WDR81: variants seen among roughly 807,000 people sequenced by gnomAD.
The protein encoded by WDR81 is WD repeat-containing protein 81.
In WDR81, 92 loss-of-function variants were observed where a neutral mutation model predicts 140.8. The observed-to-expected ratio is 0.65, with a 90% CI of 0.55 to 0.78. The LOEUF (loss-of-function observed/expected upper bound fraction) is 0.78, where lower values mean the gene tolerates loss of function less well. Among genes scored for constraint, WDR81 ranks in the 30% least tolerant of loss-of-function variants. WDR81 has a pLI of 0.00. For synonymous variants in WDR81, 1,183 were observed against 1,156.4 expected (o/e 1.02, Z -0.47); for missense variants, 2,502 against 2,636.4 (o/e 0.95, Z 1.12).
chr17:1,728,406 C>T lies in WDR81; in HGVS notation c.3447C>T (p.Ser1149=), dbSNP rs143041290. 142 of 1,612,338 alleles carry T rather than the reference C, an allele frequency of 8.8e-5. No individual in the cohort carries two copies. The highest frequency in any genetic ancestry group is 1.1e-4 in the Non-Finnish European group (130 of 1,179,616). ...ACAGCAGCCAGGACTTGAAGCAAAG[C>T]GAGGGCTCCGAGGAGGAAGAGGAGG... ...SGDSSQDLKQ[S]EGSEEEEEEE... The change falls in exon 1 of 10, where the codon AGC becomes AGT. Residue 1149 remains serine (S), a synonymous_variant. Transcript: ENST00000409644.
Position 1,735,114 on chromosome 17 carries a change from G to T in WDR81, c.5180-458G>T, listed in dbSNP as rs962422832. ...GTTGGAGACCAGACTGGCTGACATGGTGAAACCCCATCTCTACTAAGAATA... is the reference window on the plus strand; with the variant it reads ...GTTGGAGACCAGACTGGCTGACATGTTGAAACCCCATCTCTACTAAGAATA... On this transcript the variant is annotated intron_variant, in intron 7 of 9. Coordinates refer to ENST00000409644, the MANE Select transcript of WDR81 (RefSeq NM_001163809.2). The surrounding 1 kb of genome is among the most constrained non-coding windows in gnomAD (Gnocchi z 4.2). 6.6e-6 allele frequency among the ~76,000 whole-genome samples: 1 copy of T among 151,872 alleles called. No homozygotes were observed. The highest frequency in any genetic ancestry group is 2.4e-5 in the African/African-American group (1 of 41,288).
Position 1,730,339 on chromosome 17 carries a change from CCT to C in WDR81, c.3668-40_3668-39del, listed in dbSNP as rs1407630039. The C allele has an allele frequency of 7.8e-6, 12 of 1,539,990 alleles. No homozygotes were observed. In the Admixed American group the frequency reaches 8.9e-5, roughly 11 times the overall value. On this transcript the variant is annotated intron_variant, in intron 1 of 9. Coordinates refer to ENST00000409644, the MANE Select transcript of WDR81 (RefSeq NM_001163809.2). Reference sequence around the variant, plus strand: ...GGTGGGGTGGGAGGGGTGATGAGCCCCTGTTATCTGAGGAGCTCAGGGCCTGC... The same window carrying C: ...GGTGGGGTGGGAGGGGTGATGAGCCCGTTATCTGAGGAGCTCAGGGCCTGC...
rs1904630157 is a variant in WDR81 at position 1,734,062 on chromosome 17, G to T, written c.5025G>T (p.Trp1675Cys). Residue 1675 changes from tryptophan (W) to cysteine (C), a missense_variant, in exon 7 of 10, where the codon TGG becomes TGT. Physicochemically the swap from Trp to Cys is radical, Grantham distance 215 (BLOSUM62 -2). Transcript: ENST00000409644. ...GCAAGGATCGTACCGTGCGCCTCTGGCCGCTGTACAACTACGGCGACGGGA... is the reference window on the plus strand; with the variant it reads ...GCAAGGATCGTACCGTGCGCCTCTGTCCGCTGTACAACTACGGCGACGGGA... ...SGSKDRTVRL[W>C]PLYNYGDGTS... is the part of the protein sequence containing the mutation. 6.2e-7 allele frequency: 1 copy of T among 1,607,456 alleles called. No homozygotes were observed. The highest frequency in any genetic ancestry group is 8.5e-7 in the Non-Finnish European group (1 of 1,179,936).
At chr17:1,716,608 G>T in exon 1 of WDR81, 1 of 1,551,556 alleles carries the variant, frequency 6.4e-7, no homozygotes, top group Non-Finnish European at 8.7e-7. Context: ...GCCTGACACC[G>T]TCGTTCCCAG....
chr17:1,727,503 C>T lies in WDR81; in HGVS notation c.2544C>T (p.Tyr848=), dbSNP rs773105831. The change falls in exon 1 of 10, where the codon TAC becomes TAT. Residue 848 remains tyrosine (Y), a synonymous_variant. Transcript: ENST00000409644. The part of the protein sequence containing the change: ...ERGKLDQLFE[Y]RPVSQGLPPP... ...GCAAGCTGGACCAACTGTTTGAGTA[C>T]AGGCCTGTCTCCCAGGGCCTGCCCC... The T allele has an allele frequency of 7.1e-6, 11 of 1,550,420 alleles. No homozygotes were observed. In the South Asian group the frequency reaches 1.3e-4, roughly 18 times the overall value.
chr17:1,737,422 A>G lies in WDR81; in HGVS notation c.5563A>G (p.Lys1855Glu). 6.2e-7 allele frequency: 1 copy of G among 1,612,834 alleles called. No individual in the cohort carries two copies. The highest frequency in any genetic ancestry group is 1.1e-5 in the South Asian group (1 of 91,076). The change falls in exon 10 of 10, where the codon AAG (lysine) becomes GAG (glutamate). Residue 1855 changes from lysine (K) to glutamate (E), a missense_variant. Lys to Glu is a moderately conservative substitution (Grantham distance 56). Around this residue, in one of 3 missense-constraint regions of WDR81, gnomAD observed 1,737 missense variants for 1,843.0 expected, o/e 0.94. Coordinates refer to ENST00000409644, the MANE Select transcript of WDR81 (RefSeq NM_001163809.2). Reference sequence around the variant, plus strand: ...CTCTGACCATTCCTTGACCGTCTGGAAGGAGCTGGAGCAGAAGCCCACCCA... The same window carrying G: ...CTCTGACCATTCCTTGACCGTCTGGGAGGAGCTGGAGCAGAAGCCCACCCA... ...SSSDHSLTVW[K>E]ELEQKPTHHY... is the part of the protein sequence containing the mutation.
rs750420248 is a variant in WDR81 at position 1,732,509 on chromosome 17, C to T, written c.4323+19C>T. On this transcript the variant is annotated intron_variant, in intron 5 of 9. Transcript: ENST00000409644. ...GCAACAGGTGGGCAGATCTGCTGGG[C>T]CAGGGCGGGCTGGGGCGGGGGCTGT... 6 of 1,609,666 alleles carry T rather than the reference C, an allele frequency of 3.7e-6. No homozygotes were observed. The highest frequency in any genetic ancestry group is 3.3e-5 in the South Asian group (3 of 90,838).
rs1904486050 is a variant in WDR81, at chr17:1,732,887, A to G, written c.4489+56A>G. 10 of 1,545,516 alleles carry G rather than the reference A, an allele frequency of 6.5e-6. No homozygotes were observed. In the East Asian group the frequency reaches 1.8e-4, roughly 28 times the overall value. ...CTTCGTGGCTGTCTCCTCCCTTGGG[A>G]GGCCCCATTCTCTGCCCTTGCCCCA... is the stretch of plus-strand genomic sequence containing the variant. On this transcript the variant is annotated intron_variant, in intron 6 of 9. Transcript: ENST00000409644.
chr17:1,724,255 T>G (rs1915055007), upstream of WDR81, among the ~76,000 whole-genome samples: 1 of 152,176 alleles, frequency 6.6e-6, no homozygotes, highest in East Asian at 1.9e-4. Context: ...TCCCAGCTAC[T>G]CGGGAGGCCG....
upstream of WDR81, among the ~76,000 whole-genome samples, chr17:1,722,330 A>G (rs1316169686): frequency 6.6e-6 from 1 of 150,602 alleles, no homozygotes; most frequent in Non-Finnish European, 1.5e-5. Flanking sequence ...TGGCTGAGAC[A>G]TTCCTGTTTT....
rs1395084949 is a variant in WDR81, at chr17:1,735,647, A to C, written c.5255A>C (p.His1752Pro). 1 of 1,612,870 alleles carries C rather than the reference A, an allele frequency of 6.2e-7. No homozygotes were observed. The highest frequency in any genetic ancestry group is 1.7e-5 in the Admixed American group (1 of 59,982). The change falls in exon 8 of 10, where the codon CAC becomes CCC. Residue 1752 changes from histidine to proline, a missense_variant. By Grantham distance (77) the His-to-Pro change is moderately conservative (BLOSUM62 -2). Coordinates refer to ENST00000409644, the MANE Select transcript of WDR81 (RefSeq NM_001163809.2). This position sits in a 1 kb window ranked among gnomAD's most constrained non-coding sequence, Gnocchi z 4.2. ...LTAVAVMPAP[H>P]TSITMASSDS... ...GCGGTGGCTGTCATGCCCGCCCCCCACACCAGCATCACCATGGCCAGCTCT... is the reference window on the plus strand; with the variant it reads ...GCGGTGGCTGTCATGCCCGCCCCCCCCACCAGCATCACCATGGCCAGCTCT...
rs901218686 is a variant in WDR81, at chr17:1,730,460, C to T, written c.3748C>T (p.Leu1250Phe). 9.9e-6 allele frequency: 16 copies of T among 1,613,272 alleles called. 1 individual carries two copies. Among genetic ancestry groups the T allele is most frequent in the Middle Eastern group, 3.3e-4 (2 of 6,062 alleles). Reference protein sequence around the residue: ...VASRHVARNLLRLLTSCYVGP... With the variant: ...VASRHVARNLFRLLTSCYVGP... ...CTCTCGCCACGTGGCCCGGAACCTG[C>T]TCCGCCTGCTGACGTCTTGTTATGT... The change falls in exon 2 of 10, where the codon CTC (leucine) becomes TTC (phenylalanine). Residue 1250 changes from leucine (L) to phenylalanine (F), a missense_variant. This residue lies in a region of WDR81 where 1,737 missense variants were observed against 1,843.0 expected (regional missense o/e 0.94). Transcript: ENST00000409644.
At position 1,731,050 on chromosome 17, in the gene WDR81, T is replaced by C. The variant is rs538090338; in HGVS notation, c.3967-18T>C. The C allele has an allele frequency of 1.2e-6, 2 of 1,610,288 alleles. No homozygotes were observed. The highest frequency in any genetic ancestry group is 4.5e-5 in the East Asian group (2 of 44,812). On this transcript the variant is annotated intron_variant, in intron 3 of 9. Coordinates refer to ENST00000409644, the MANE Select transcript of WDR81 (RefSeq NM_001163809.2). Reference sequence around the variant, plus strand: ...GGTCTGTGGGGCTGCCCGGCCCTCATCTGCTCGGTGGCTCTAGGTGGCCCC... The same window carrying C: ...GGTCTGTGGGGCTGCCCGGCCCTCACCTGCTCGGTGGCTCTAGGTGGCCCC...
At position 1,735,273 on chromosome 17, in the gene WDR81, C is replaced by T. The variant is rs1202995893; in HGVS notation, c.5180-299C>T. On this transcript the variant is annotated intron_variant, in intron 7 of 9. Transcript: ENST00000409644. The surrounding 1 kb of genome is among the most constrained non-coding windows in gnomAD (Gnocchi z 4.2). ...TAAAACCCCGTCTCTACCAAAAATA[C>T]AAAAAATTAGCCAGGCGTGGTGGCG... Among the ~76,000 whole-genome samples, 1 of 151,980 alleles carries T rather than the reference C, an allele frequency of 6.6e-6. No homozygotes were observed. The highest frequency in any genetic ancestry group is 1.5e-5 in the Non-Finnish European group (1 of 67,970).
At chr17:1,733,401 G>C in intron 6 of WDR81, 126 bp from the exon 7 acceptor site, 3 of 907,004 alleles carry the variant, frequency 3.3e-6, no homozygotes, top group Non-Finnish European at 4.9e-6. Context: ...CTCAGAGACA[G>C]AGTTACTTGC....
rs1412671879 is a variant in WDR81, at chr17:1,728,637, A to G, written c.3667+11A>G. ...AGAAGATCCTCCTTGGTAAGTTCCC[A>G]GGTCTGGGAGGTGTTGGTCAAAAAC... On this transcript the variant is annotated intron_variant, in intron 1 of 9. Coordinates refer to ENST00000409644, the MANE Select transcript of WDR81 (RefSeq NM_001163809.2). The G allele has an allele frequency of 3.4e-6, 5 of 1,452,980 alleles. No individual in the cohort carries two copies. The East Asian group carries it at 1.3e-4, about 36-fold the overall frequency. 90.0% of individuals were successfully genotyped at this position (1,452,980 alleles called of 1,614,324 possible). A position where few individuals can be genotyped will look rare whatever the true frequency, so the allele number is the denominator to read the frequency against.
rs765567147 is a variant in WDR81, at chr17:1,733,579, G to A, written c.4542G>A (p.Ala1514=). 21 of 1,531,564 alleles carry A rather than the reference G, an allele frequency of 1.4e-5. No homozygotes were observed. The South Asian group carries it at 2.2e-4, about 16-fold the overall frequency. The allele number at this position is 1,531,564 out of a possible 1,614,324, so 94.9% of individuals were successfully genotyped here. The change falls in exon 7 of 10, where the codon GCG becomes GCA. Residue 1514 remains alanine (A), a synonymous_variant. Coordinates refer to ENST00000409644, the MANE Select transcript of WDR81 (RefSeq NM_001163809.2). ...ACCACGAGCTGGTTGGGGAGCTGGC[G>A]GCGCTGTACTTGGAGAGCATCAGCC... ...IPNHELVGEL[A]ALYLESISPS...
rs936021925 is a variant in WDR81 at position 1,727,176 on chromosome 17, C to G, written c.2217C>G (p.Asn739Lys). The G allele has an allele frequency of 1.3e-6, 2 of 1,548,244 alleles. No homozygotes were observed. Among genetic ancestry groups the G allele is most frequent in the African/African-American group, 2.7e-5 (2 of 72,974 alleles). ...QALEELEKTG[N>K]FLAKGLGGLL... ...TGGAGGAGCTGGAGAAAACGGGCAACTTCTTGGCCAAAGGCCTAGGGGGCC... is the reference window on the plus strand; with the variant it reads ...TGGAGGAGCTGGAGAAAACGGGCAAGTTCTTGGCCAAAGGCCTAGGGGGCC... Residue 739 changes from asparagine (N) to lysine (K), a missense_variant, in exon 1 of 10, where the codon AAC becomes AAG. Physicochemically the swap from Asn to Lys is moderately conservative, Grantham distance 94. Around this residue, in one of 3 missense-constraint regions of WDR81, gnomAD observed 1,737 missense variants for 1,843.0 expected, o/e 0.94. Transcript: ENST00000409644.
chr17:1,726,103 G>T lies in WDR81; in HGVS notation c.1144G>T (p.Val382Leu). 1 of 1,547,170 alleles carries T rather than the reference G, an allele frequency of 6.5e-7. No individual in the cohort carries two copies. Among genetic ancestry groups the T allele is most frequent in the Non-Finnish European group, 8.7e-7 (1 of 1,144,738 alleles). The change falls in exon 1 of 10, where the codon GTG becomes TTG. Residue 382 changes from valine to leucine, a missense_variant. This residue lies in a region of WDR81 where 218 missense variants were observed against 279.6 expected (regional missense o/e 0.78). Transcript: ENST00000409644. ...RRQGDPNYHP[V>L]LPWVVDFTTP... ...GCAGGGGGACCCCAACTACCACCCC[G>T]TGCTGCCCTGGGTGGTGGACTTCAC...
Sources: allele counts gnomAD v4.1 joint callset (sites outside exome capture counted in the v4.1 genomes callset), GRCh38; gene constraint gnomAD v4.1.1; regional missense constraint gnomAD v4.1.1; non-coding constraint Gnocchi (gnomAD v3.1); transcripts MANE v1.5; gene names NCBI Gene and HGNC (gene_info 2026-07-23, HGNC 2026-07-21).